The following RAD21L1 variants were observed in gnomAD, a reference collection of about 807,000 sequenced individuals.
RAD21L1 encodes double-strand-break repair protein rad21-like protein 1.
A neutral mutation model predicts 69.0 loss-of-function variants in RAD21L1; 47 were observed. The observed-to-expected ratio is 0.68, with a 90% confidence interval of 0.54 to 0.87. The LOEUF (loss-of-function observed/expected upper bound fraction) is 0.87. Ranked by LOEUF, RAD21L1 falls within the 40% of genes least tolerant of loss-of-function variation. The pLI is 0.00. For synonymous variants in RAD21L1, 177 were observed against 205.8 expected, an observed-to-expected ratio of 0.86 and a Z score of 1.20; for missense variants, 583 against 647.6, an observed-to-expected ratio of 0.90 and a Z score of 1.08.
chr20:1,234,879 G>A (rs1429321946), intron 5 of RAD21L1, among the ~76,000 whole-genome samples: 1 of 152,026 alleles, frequency 6.6e-6, no homozygotes. Flanking sequence ...AGCTGGGACT[G>A]CAAGTGCATG....
intron 3 of RAD21L1, chr20:1,230,747 TA>T: frequency 3.6e-6 from 2 of 558,770 alleles, no homozygotes; most frequent in Non-Finnish European, 4.5e-6. Context: ...AATATTCATA[TA>T]ATCTCTAGGT....
At chr20:1,230,531 T>G (rs1308081454) in intron 3 of RAD21L1, 16 of 582,536 alleles carry the variant, frequency 2.7e-5, no homozygotes, top group Non-Finnish European at 3.5e-5. Context: ...TGAAGACATT[T>G]TTTATTTTCT....
chr20:1,235,163 T>C (rs2087468256), intron 5 of RAD21L1, among the ~76,000 whole-genome samples: 1 of 152,236 alleles, frequency 6.6e-6, no homozygotes, highest in Non-Finnish European at 1.5e-5. Context: ...TGTCTTGGTC[T>C]ACAAACTCCA....
chr20:1,240,283 G>T (rs927466800), intron 7 of RAD21L1, 38 bp from the exon 8 acceptor site: 22 of 1,508,222 alleles, frequency 1.5e-5, no homozygotes, highest in East Asian at 2.5e-5. Flanking sequence ...ATCCTAACTG[G>T]TTTTTTTTAC....
chr20:1,242,925 C>T (rs866863757), intron 9 of RAD21L1, 80 bp downstream of exon 9: 3 of 1,007,732 alleles, frequency 3.0e-6, no homozygotes, highest in Admixed American at 4.5e-5. Context: ...CACATATTTA[C>T]ATACATATAT....
chr20:1,241,034 G>C (rs2122833355), intron 8 of RAD21L1, among the ~76,000 whole-genome samples: 1 of 152,268 alleles, frequency 6.6e-6, no homozygotes, highest in South Asian at 2.1e-4. Context: ...AACCCAGATG[G>C]GCTAAGCTCC....
chr20:1,245,239 G>A (rs1600228070), intron 11 of RAD21L1, among the ~76,000 whole-genome samples: 1 of 152,162 alleles, frequency 6.6e-6, no homozygotes, highest in East Asian at 1.9e-4. Context: ...TCCAAAAATG[G>A]TTAACAAATG....
Position 1,246,251 on chromosome 20 carries a change from A to T in RAD21L1, c.1347A>T (p.Ser449=). Residue 449 remains serine (S), a synonymous_variant, in exon 12 of 14, where the codon TCA becomes TCT. Coordinates refer to ENST00000683101, the MANE Select transcript of RAD21L1 (RefSeq NM_001384355.1). This position sits in a 1 kb window ranked among gnomAD's most constrained non-coding sequence, Gnocchi z 4.6. ...TGGTGTCTTTAGCTGCTGAGGAATCATCTTTAATGAATGACTTATTTGCAC... is the reference window on the plus strand; with the variant it reads ...TGGTGTCTTTAGCTGCTGAGGAATCTTCTTTAATGAATGACTTATTTGCAC... ...VEMVSLAAEE[S]SLMNDLFAQE... is the part of the protein sequence containing the mutation. The T allele has an allele frequency of 1.3e-6, 2 of 1,541,982 alleles. No individual in the cohort carries two copies. Among genetic ancestry groups the T allele is most frequent in the South Asian group, 1.2e-5 (1 of 82,152 alleles).
chr20:1,227,278 C>G (rs575352279), intron 1 of RAD21L1, among the ~76,000 whole-genome samples: 3 of 152,220 alleles, frequency 2.0e-5, no homozygotes, highest in Non-Finnish European at 4.4e-5. Flanking sequence ...GGAATTTATT[C>G]CGAGAGAGCG....
In RAD21L1 at chr20:1,248,708, G is replaced by A. The variant is rs961743692; in HGVS notation, c.1479+5G>A. 2.6e-5 allele frequency: 38 copies of A among 1,486,222 alleles called. No homozygotes were observed. Among genetic ancestry groups the A allele is most frequent in the Non-Finnish European group, 3.3e-5 (36 of 1,099,652 alleles). The allele number at this position is 1,486,222 out of a possible 1,614,324, so 92.1% of individuals were successfully genotyped here. On this transcript the variant is annotated splice_donor_5th_base_variant and intron_variant, in intron 13 of 13. Coordinates refer to ENST00000683101, the MANE Select transcript of RAD21L1 (RefSeq NM_001384355.1). ...CAGATGTTAAATCGTTTACGGGTGAGATGCTAGGGTTTGTCAACCCTGTTT... is the reference window on the plus strand; with the variant it reads ...CAGATGTTAAATCGTTTACGGGTGAAATGCTAGGGTTTGTCAACCCTGTTT...
In RAD21L1 at chr20:1,238,069, A is replaced by T; in HGVS notation, c.501A>T (p.Arg167Ser). Reference protein sequence around the residue: ...SFGEESEILRRHSFFDDNILL... With the variant: ...SFGEESEILRSHSFFDDNILL... ...GGGAGGAATCTGAAATTCTCAGAAG[A>T]CATAGCTTCTTTGATGACAACATAT... The change falls in exon 6 of 14, where the codon AGA becomes AGT. Residue 167 changes from arginine (R) to serine (S), a missense_variant. Transcript: ENST00000683101. 6.6e-7 allele frequency: 1 copy of T among 1,523,612 alleles called. No individual in the cohort carries two copies. The highest frequency in any genetic ancestry group is 8.9e-7 in the Non-Finnish European group (1 of 1,127,738). The allele number at this position is 1,523,612 out of a possible 1,614,324, so 94.4% of individuals were successfully genotyped here.
intron 13 of RAD21L1, among the ~76,000 whole-genome samples, chr20:1,252,677 A>G (rs1405373011): frequency 7.4e-6 from 1 of 135,522 alleles, no homozygotes; most frequent in African/African-American, 2.5e-5. Flanking sequence ...GTTCCTAAGT[A>G]GATTCTCAAG....
rs771603311 is a variant in RAD21L1, at chr20:1,238,034, A to G, written c.476-10A>G. ...CTATGAATTAGTATTAATGATATAT[A>G]TTTATTTAGGGGAGGAATCTGAAAT... On this transcript the variant is annotated splice_polypyrimidine_tract_variant and intron_variant, in intron 5 of 13. Coordinates refer to ENST00000683101, the MANE Select transcript of RAD21L1 (RefSeq NM_001384355.1). 12 of 1,425,760 alleles carry G rather than the reference A, an allele frequency of 8.4e-6. No homozygotes were observed. The South Asian group carries it at 1.5e-4, about 18-fold the overall frequency. The allele number at this position is 1,425,760 out of a possible 1,614,324, so 88.3% of individuals were successfully genotyped here.
At chr20:1,241,856 A>T (rs1478875180) in intron 8 of RAD21L1, among the ~76,000 whole-genome samples, 1 of 152,220 alleles carries the variant, frequency 6.6e-6, no homozygotes. Context: ...CTCCCCTTTT[A>T]CAGCTTTACT....
chr20:1,238,863 G>A (rs180762530), intron 6 of RAD21L1, among the ~76,000 whole-genome samples: 47 of 152,100 alleles, frequency 3.1e-4, no homozygotes, highest in Admixed American at 3.9e-4. Flanking sequence ...TTGCTGTGTC[G>A]CCCAGGCTGG....
chr20:1,233,234 A>T (rs1374681958), intron 4 of RAD21L1, among the ~76,000 whole-genome samples: 1 of 152,170 alleles, frequency 6.6e-6, no homozygotes, highest in Non-Finnish European at 1.5e-5. Flanking sequence ...AAGTGGATGT[A>T]TAAATTTGCA....
In RAD21L1 at chr20:1,246,354, A is replaced by C; in HGVS notation, c.1401+49A>C. 1.2e-6 allele frequency: 1 copy of C among 844,422 alleles called. No individual in the cohort carries two copies. Among genetic ancestry groups the C allele is most frequent in the Non-Finnish European group, 1.8e-6 (1 of 567,156 alleles). The allele number at this position is 844,422 out of a possible 1,614,324, so 52.3% of individuals were successfully genotyped here. A position where few individuals can be genotyped will look rare whatever the true frequency, so the allele number is the denominator to read the frequency against. ...GATGTTCTTAAAAACTTTATTCCTA[A>C]ATATTTAACACCTTATTTATCTAAA... On this transcript the variant is annotated intron_variant, in intron 12 of 13. Coordinates refer to ENST00000683101, the MANE Select transcript of RAD21L1 (RefSeq NM_001384355.1). This position sits in a 1 kb window ranked among gnomAD's most constrained non-coding sequence, Gnocchi z 4.6.
intron 11 of RAD21L1, among the ~76,000 whole-genome samples, chr20:1,244,447 T>C (rs1019965615): frequency 1.3e-5 from 2 of 152,128 alleles, no homozygotes; most frequent in African/African-American, 4.8e-5. Context: ...GTAAACCTAG[T>C]TATATGCTGA....
At chr20:1,236,118 G>T (rs2087490229) in intron 5 of RAD21L1, among the ~76,000 whole-genome samples, 1 of 152,014 alleles carries the variant, frequency 6.6e-6, no homozygotes, top group Non-Finnish European at 1.5e-5. Flanking sequence ...GTGCTGGGTT[G>T]TTTGTTTGTT....
Sources: allele counts gnomAD v4.1 joint callset (sites outside exome capture counted in the v4.1 genomes callset), GRCh38; gene constraint gnomAD v4.1.1; non-coding constraint Gnocchi (gnomAD v3.1); transcripts MANE v1.5; gene names NCBI Gene and HGNC (gene_info 2026-07-23, HGNC 2026-07-21).